DIP2B: variants seen among roughly 807,000 people sequenced by gnomAD.
DIP2B encodes the protein DIP2 acetate--CoA ligase B (putative), also known as disco-interacting protein 2 homolog B.
In DIP2B, 76 loss-of-function variants were observed where a neutral mutation model predicts 198.0. The ratio of observed to expected loss-of-function variants is 0.38; its 90% CI spans 0.32 to 0.46. DIP2B has a LOEUF of 0.46. Among genes scored for constraint, DIP2B ranks in the 20% least tolerant of loss-of-function variants. DIP2B has a pLI of 0.99. For missense variants in DIP2B, 1,559 were observed against 1,978.4 expected (o/e 0.79, Z 4.02); for synonymous variants, 701 against 739.1 (o/e 0.95, Z 0.84).
At chr12:50,733,254 CTTTTTTT>C (rs10538769) in intron 32 of DIP2B, among the ~76,000 whole-genome samples, 2 of 137,322 alleles carry the variant, frequency 1.5e-5, no homozygotes, top group African/African-American at 5.4e-5. Flanking sequence ...TTTTTTCTTT[CTTTTTTT>C]TTTTTTTTTT....
intron 2 of DIP2B, among the ~76,000 whole-genome samples, chr12:50,632,296 A>G (rs1195220076): frequency 1.3e-5 from 2 of 151,838 alleles, no homozygotes; most frequent in Non-Finnish European, 2.9e-5. Flanking sequence ...CCTGACCAAC[A>G]TGGAGAAACC....
intron 1 of DIP2B, among the ~76,000 whole-genome samples, chr12:50,620,486 A>G (rs770288644): frequency 1.3e-5 from 2 of 151,956 alleles, no homozygotes; most frequent in Non-Finnish European, 1.5e-5. Flanking sequence ...TGGGTCGCAG[A>G]CTCGCCACGA....
chr12:50,521,600 C>A (rs1565811523), intron 1 of DIP2B, among the ~76,000 whole-genome samples: 1 of 146,122 alleles, frequency 6.8e-6, no homozygotes, highest in Non-Finnish European at 1.5e-5. Context: ...TCAAGTGATT[C>A]TTGTGCCTCA....
intron 1 of DIP2B, among the ~76,000 whole-genome samples, chr12:50,574,155 A>G (rs529606294): frequency 6.6e-6 from 1 of 152,262 alleles, no homozygotes; most frequent in Non-Finnish European, 1.5e-5. Context: ...AAAGTAAGAC[A>G]GGAAACTAAT....
intron 1 of DIP2B, among the ~76,000 whole-genome samples, chr12:50,597,217 T>C (rs889390547): frequency 6.6e-6 from 1 of 152,232 alleles, no homozygotes; most frequent in Non-Finnish European, 1.5e-5. Context: ...CTTCATTCTT[T>C]TTAAGGGCTC....
chr12:50,689,530 C>G (rs777826458), intron 12 of DIP2B, among the ~76,000 whole-genome samples: 5 of 152,172 alleles, frequency 3.3e-5, no homozygotes, highest in Non-Finnish European at 5.9e-5. Context: ...GCAAGACAGA[C>G]TCAGGTTTCT....
chr12:50,567,105 GAC>G (rs1384979731), intron 1 of DIP2B, among the ~76,000 whole-genome samples: 1 of 148,330 alleles, frequency 6.7e-6, no homozygotes, highest in East Asian at 2.0e-4. Flanking sequence ...CTTTTTATTT[GAC>G]ACACTTTTCT....
Position 50,692,971 on chromosome 12 carries a change from A to C in DIP2B, c.1677A>C (p.Leu559Phe). 6.2e-7 allele frequency: 1 copy of C among 1,610,806 alleles called. No individual in the cohort carries two copies. ...TAGGGGAAACAATAGTAAATGTCTT[A>C]GACTTTAAGAAGGATGCTGGGCTGT... The part of the protein sequence containing the change: ...YSEGETIVNV[L>F]DFKKDAGLWH... The change falls in exon 14 of 38, where the codon TTA becomes TTC. Residue 559 changes from leucine to phenylalanine, a missense_variant. Transcript: ENST00000301180.
In DIP2B at chr12:50,704,141, TA is replaced by T; in HGVS notation, c.2329del (p.Ile777PhefsTer3). The T allele has an allele frequency of 1.2e-6, 2 of 1,607,392 alleles. No homozygotes were observed. Among genetic ancestry groups the T allele is most frequent in the Non-Finnish European group, 1.7e-6 (2 of 1,178,826 alleles). On this transcript the variant is annotated frameshift_variant and splice_region_variant, in exon 20 of 38. Coordinates refer to ENST00000301180, the MANE Select transcript of DIP2B (RefSeq NM_173602.3). LOFTEE classifies it high-confidence loss of function. ...CACTTACTTCATTTTGTCTCTTAGG[TA>T]ATTCCAGTGAATTCTGCAGGCTCTC... is the stretch of plus-strand genomic sequence containing the variant. ...LAGVTKNTFE[V>X]IPVNSAGSPV... is the part of the protein sequence containing the mutation.
chr12:50,744,471 G>A (rs1355570827), intron 37 of DIP2B, 116 bp from the exon 38 acceptor site: 53 of 1,429,916 alleles, frequency 3.7e-5, no homozygotes, highest in Admixed American at 5.7e-5. Context: ...GACTGCTGAC[G>A]TTCTGGTTGG....
chr12:50,505,262 G>T, intron 1 of DIP2B, 22 bp downstream of exon 1: 1 of 1,464,966 alleles, frequency 6.8e-7, no homozygotes, highest in Non-Finnish European at 9.0e-7. Context: ...GCCGGGGAGA[G>T]GGCGCCCGGG....
chr12:50,602,938 G>A (rs895978815), intron 1 of DIP2B, among the ~76,000 whole-genome samples: 3 of 150,794 alleles, frequency 2.0e-5, no homozygotes, highest in African/African-American at 7.3e-5. Flanking sequence ...GCCGAGGTGG[G>A]CAGATCACAA....
intron 1 of DIP2B, among the ~76,000 whole-genome samples, chr12:50,515,239 C>CTT (rs59468439): frequency 4.1e-4 from 58 of 140,742 alleles, no homozygotes; most frequent in Admixed American, 6.4e-4. Flanking sequence ...CACTGTGGAC[C>CTT]TTTTTTTTTT....
chr12:50,630,324 C>T (rs759767061), intron 2 of DIP2B, among the ~76,000 whole-genome samples: 1 of 152,058 alleles, frequency 6.6e-6, no homozygotes, highest in Non-Finnish European at 1.5e-5. Flanking sequence ...TGTAAACCTT[C>T]TGCTTTATGT....
chr12:50,728,158 A>T (rs1374567078), intron 29 of DIP2B, among the ~76,000 whole-genome samples: 1 of 152,212 alleles, frequency 6.6e-6, no homozygotes, highest in East Asian at 1.9e-4. Flanking sequence ...AGGCGGGCAG[A>T]TCACCTGAGG....
chr12:50,528,677 AG>A (rs1958189353), intron 1 of DIP2B, among the ~76,000 whole-genome samples: 1 of 152,206 alleles, frequency 6.6e-6, no homozygotes, highest in Non-Finnish European at 1.5e-5. Flanking sequence ...AAGAGGGCTT[AG>A]AGTGAACAGA....
intron 31 of DIP2B, among the ~76,000 whole-genome samples, chr12:50,732,062 A>G (rs1249603142): frequency 2.6e-5 from 4 of 152,222 alleles, no homozygotes; most frequent in Non-Finnish European, 4.4e-5. Flanking sequence ...TCTCAGTCTC[A>G]TCAAATAGGG....
At chr12:50,518,876 G>A (rs1339062206) in intron 1 of DIP2B, among the ~76,000 whole-genome samples, 2 of 152,136 alleles carry the variant, frequency 1.3e-5, no homozygotes, top group South Asian at 2.1e-4. Context: ...AAGTAGCTGG[G>A]ATTACAGGTC....
chr12:50,612,213 C>G (rs1159143232), intron 1 of DIP2B, among the ~76,000 whole-genome samples: 1 of 152,048 alleles, frequency 6.6e-6, no homozygotes, highest in East Asian at 1.9e-4. Flanking sequence ...CACGACTGCA[C>G]TCCAGCCTGG....
Sources: allele counts gnomAD v4.1 joint callset (sites outside exome capture counted in the v4.1 genomes callset), GRCh38; gene constraint gnomAD v4.1.1; transcripts MANE v1.5; gene names NCBI Gene and HGNC (gene_info 2026-07-23, HGNC 2026-07-21).